Variants in APOBEC2 observed in about 807,000 individuals in gnomAD.
APOBEC2 encodes apolipoprotein B mRNA editing enzyme catalytic subunit 2.
APOBEC2 carries 14 observed loss-of-function variants against 19.4 expected under a neutral mutation model. That is an observed-to-expected ratio of 0.72 (90% CI 0.48 to 1.13). The LOEUF (loss-of-function observed/expected upper bound fraction) is 1.13, where lower values mean the gene tolerates loss of function less well. Ranked by LOEUF, APOBEC2 falls within the 50% of genes most tolerant of loss-of-function variation. The pLI, the probability that APOBEC2 is intolerant of heterozygous loss-of-function variation, is 0.00. For missense variants in APOBEC2, 304 were observed against 277.0 expected (o/e 1.10, Z -0.69); for synonymous variants, 127 against 112.1 (o/e 1.13, Z -0.84).
chr6:41,060,839 G>T (rs969831374), intron 1 of APOBEC2, among the ~76,000 whole-genome samples: 4 of 152,228 alleles, frequency 2.6e-5, no homozygotes, highest in Admixed American at 1.3e-4. Flanking sequence ...TCTGTCATGA[G>T]AAATTTTATA....
rs576674963 is a variant in APOBEC2, at chr6:41,053,731, A to T, written c.131+253A>T. On this transcript the variant is annotated intron_variant, in intron 1 of 2. Transcript: ENST00000244669. ...CTCCTTGGAGGCAAAAGCCCAGAGA[A>T]TAAAACCACCCTTCAGGCCTCCTGG... 3.9e-5 allele frequency among the ~76,000 whole-genome samples: 6 copies of T among 152,264 alleles called. No homozygotes were observed. The South Asian group carries it at 1.2e-3, about 32-fold the overall frequency.
intron 2 of APOBEC2, among the ~76,000 whole-genome samples, chr6:41,062,513 G>A (rs1403800483): frequency 6.6e-6 from 1 of 152,288 alleles, no homozygotes; most frequent in East Asian, 1.9e-4. Context: ...ATACAATACG[G>A]GAACATTTTC....
intron 1 of APOBEC2, among the ~76,000 whole-genome samples, chr6:41,060,571 T>G (rs1444063544): frequency 2.0e-5 from 3 of 152,214 alleles, no homozygotes; most frequent in African/African-American, 7.2e-5. Context: ...CCTTTAAGAT[T>G]TGGAGGTGAC....
At chr6:41,059,595 G>A (rs979661104) in intron 1 of APOBEC2, among the ~76,000 whole-genome samples, 1 of 152,206 alleles carries the variant, frequency 6.6e-6, no homozygotes, top group Admixed American at 6.5e-5. Flanking sequence ...GGCTTAGAGA[G>A]CTAAGTATAG....
At chr6:41,063,534 C>CTT (rs34638825) in intron 2 of APOBEC2, among the ~76,000 whole-genome samples, 1,360 of 85,266 alleles carry the variant, frequency 0.016, 70 homozygotes, top group East Asian at 0.041. Flanking sequence ...GTCCTTAGAG[C>CTT]TTTTTTTTTT....
At position 41,064,415 on chromosome 6, in the gene APOBEC2, G is replaced by A. The variant is rs1168267089; in HGVS notation, c.*336G>A. 5 of 152,174 alleles carry A rather than the reference G, an allele frequency of 3.3e-5. No homozygotes were observed. The highest frequency in any genetic ancestry group is 1.5e-5 in the Non-Finnish European group (1 of 68,036). 9.4% of individuals were successfully genotyped at this position (152,174 alleles called of 1,614,324 possible). A position where few individuals can be genotyped will look rare whatever the true frequency, so the allele number is the denominator to read the frequency against. ...GGGCTGCTTAACACAAACAGCCTCA[G>A]ACCCGAGGTTTAGATTTCTGAAATA... On this transcript the variant is annotated 3_prime_UTR_variant, in exon 3 of 3. Coordinates refer to ENST00000244669, the MANE Select transcript of APOBEC2 (RefSeq NM_006789.4).
intron 1 of APOBEC2, among the ~76,000 whole-genome samples, chr6:41,053,883 G>A (rs1263394556): frequency 6.6e-6 from 1 of 152,190 alleles, no homozygotes; most frequent in Non-Finnish European, 1.5e-5. Context: ...CAACTTCTCT[G>A]TTCCTGAGTG....
intron 1 of APOBEC2, among the ~76,000 whole-genome samples, chr6:41,059,914 G>C (rs2268191): frequency 0.39 from 59,130 of 151,940 alleles, 12,159 homozygotes; most frequent in African/African-American, 0.52. Context: ...GTATCTCTTG[G>C]GGCAGGCAGA....
chr6:41,061,979 C>A, intron 2 of APOBEC2, 87 bp downstream of exon 2: 1 of 1,252,406 alleles, frequency 8.0e-7, no homozygotes, highest in Non-Finnish European at 1.1e-6. Context: ...TGTGATATGT[C>A]TGATTTTCCT....
chr6:41,062,525 T>G (rs899758668), intron 2 of APOBEC2, among the ~76,000 whole-genome samples: 1 of 152,216 alleles, frequency 6.6e-6, no homozygotes, highest in Admixed American at 6.5e-5. Context: ...AACATTTTCC[T>G]TATGTTGAGA....
chr6:41,061,772 G>C lies in APOBEC2; in HGVS notation c.576G>C (p.Val192=). The C allele has an allele frequency of 6.2e-7, 1 of 1,614,218 alleles. No homozygotes were observed. Among genetic ancestry groups the C allele is most frequent in the South Asian group, 1.1e-5 (1 of 91,084 alleles). ...TCGAATATGTCTGGCAGAATTTTGT[G>C]GAGCAAGAAGAGGGTGAATCCAAGG... The part of the protein sequence containing the change: ...QDFEYVWQNF[V]EQEEGESKAF... Residue 192 remains valine (V), a synonymous_variant, in exon 2 of 3, where the codon GTG becomes GTC. Transcript: ENST00000244669.
rs1581987399 is a variant in APOBEC2, at chr6:41,053,261, G to T, written c.-87G>T. On this transcript the variant is annotated 5_prime_UTR_variant, in exon 1 of 3. Transcript: ENST00000244669. ...CCCCAGCCAGATTTAGCTGCTGACA[G>T]CTGCTTGGGACTCTGCCGCCAGGGC... The T allele has an allele frequency of 1.3e-6, 2 of 1,509,468 alleles. No homozygotes were observed. The highest frequency in any genetic ancestry group is 2.8e-5 in the African/African-American group (2 of 71,814). The allele number at this position is 1,509,468 out of a possible 1,614,324, so 93.5% of individuals were successfully genotyped here.
In APOBEC2 at chr6:41,061,361, G is replaced by A. The variant is rs759958746; in HGVS notation, c.165G>A (p.Gln55=). 2 of 1,535,666 alleles carry A rather than the reference G, an allele frequency of 1.3e-6. No individual in the cohort carries two copies. The highest frequency in any genetic ancestry group is 1.4e-5 in the African/African-American group (1 of 72,198). The change falls in exon 2 of 3, where the codon CAG becomes CAA. Residue 55 remains glutamine, a synonymous_variant. Coordinates refer to ENST00000244669, the MANE Select transcript of APOBEC2 (RefSeq NM_006789.4). ...TGCCTGCCAACTTCTTTAAATTCCA[G>A]TTCCGGAATGTGGAGTACAGTTCCG... ...ERLPANFFKF[Q]FRNVEYSSGR...
intron 1 of APOBEC2, among the ~76,000 whole-genome samples, chr6:41,053,895 G>T (rs1762762357): frequency 1.3e-5 from 2 of 152,184 alleles, no homozygotes; most frequent in Admixed American, 6.5e-5. Flanking sequence ...TCCTGAGTGG[G>T]TCTCTCCGCT....
Position 41,053,398 on chromosome 6 carries a change from T to A in APOBEC2, c.51T>A (p.Asn17Lys), listed in dbSNP as rs201658665. The change falls in exon 1 of 3, where the codon AAT becomes AAA. Residue 17 changes from asparagine to lysine, a missense_variant. Asn to Lys is a moderately conservative substitution (Grantham distance 94). Coordinates refer to ENST00000244669, the MANE Select transcript of APOBEC2 (RefSeq NM_006789.4). ...TGGCCACTGAGGCTGCCTCCCAGAA[T>A]GGGGAGGATCTGGAGAACCTGGACG... ...AAVATEAASQ[N>K]GEDLENLDDP... 7.4e-6 allele frequency: 12 copies of A among 1,613,950 alleles called. No homozygotes were observed. The highest frequency in any genetic ancestry group is 2.7e-5 in the African/African-American group (2 of 74,910).
At position 41,061,910 on chromosome 6, in the gene APOBEC2, C is replaced by T; in HGVS notation, c.*21+18C>T. The T allele has an allele frequency of 6.3e-7, 1 of 1,582,252 alleles. No homozygotes were observed. The highest frequency in any genetic ancestry group is 8.6e-7 in the Non-Finnish European group (1 of 1,165,698). Reference sequence around the variant, plus strand: ...TGCCTCACGTGAGTTTTCCTGGTGCCATGGCACCAACACTTTATTATGTTA... The same window carrying T: ...TGCCTCACGTGAGTTTTCCTGGTGCTATGGCACCAACACTTTATTATGTTA... On this transcript the variant is annotated intron_variant, in intron 2 of 2. Coordinates refer to ENST00000244669, the MANE Select transcript of APOBEC2 (RefSeq NM_006789.4).
In APOBEC2 at chr6:41,061,754, T is replaced by C. The variant is rs757652639; in HGVS notation, c.558T>C (p.Tyr186=). 5 of 1,614,090 alleles carry C rather than the reference T, an allele frequency of 3.1e-6. No individual in the cohort carries two copies. The highest frequency in any genetic ancestry group is 2.2e-5 in the East Asian group (1 of 44,890). The change falls in exon 2 of 3, where the codon TAT becomes TAC. Residue 186 remains tyrosine, a synonymous_variant. Coordinates refer to ENST00000244669, the MANE Select transcript of APOBEC2 (RefSeq NM_006789.4). ...TCATGAAGCCCCAGGACTTCGAATA[T>C]GTCTGGCAGAATTTTGTGGAGCAAG... ...LRIMKPQDFE[Y]VWQNFVEQEE...
At position 41,064,888 on chromosome 6, in the gene APOBEC2, G is replaced by C. The variant is rs1382691313; in HGVS notation, c.*809G>C. ...TCAATACATGGTGTTTGATGGTAAT[G>C]GCAGGATGATGTCAAGTCTCTCTTT... is the stretch of plus-strand genomic sequence containing the variant. On this transcript the variant is annotated 3_prime_UTR_variant, in exon 3 of 3. Coordinates refer to ENST00000244669, the MANE Select transcript of APOBEC2 (RefSeq NM_006789.4). 2 of 151,996 alleles carry C rather than the reference G, an allele frequency of 1.3e-5. No individual in the cohort carries two copies. The highest frequency in any genetic ancestry group is 2.9e-5 in the Non-Finnish European group (2 of 68,012). The allele number at this position is 151,996 out of a possible 1,614,324, so 9.4% of individuals were successfully genotyped here.
chr6:41,057,384 A>T (rs2114026947), intron 1 of APOBEC2, among the ~76,000 whole-genome samples: 1 of 152,210 alleles, frequency 6.6e-6, no homozygotes, highest in South Asian at 2.1e-4. Flanking sequence ...GGGCAGGTCA[A>T]AGCTCAGGTG....
Sources: gnomAD v4.1 joint callset for allele counts (sites outside exome capture counted in the v4.1 genomes callset) on GRCh38, gnomAD v4.1.1 for gene constraint, MANE v1.5 for transcripts, NCBI Gene and HGNC (gene_info 2026-07-23, HGNC 2026-07-21) for gene names.